OLFM1: variants seen among roughly 807,000 people sequenced by gnomAD.
OLFM1 encodes olfactomedin 1.
In OLFM1, 9 loss-of-function variants were observed where a neutral mutation model predicts 49.7. The ratio of observed to expected loss-of-function variants is 0.18; its 90% CI spans 0.11 to 0.32. OLFM1 has a LOEUF of 0.32. OLFM1 is among the 10% of genes least tolerant of loss of function. The pLI is 1.00. For missense variants in OLFM1, 369 were observed against 661.8 expected (o/e 0.56, Z 4.85); for synonymous variants, 240 against 271.8 (o/e 0.88, Z 1.15).
At position 135,098,169 on chromosome 9, in the gene OLFM1, C is replaced by T; in HGVS notation, c.457-117C>T. The stretch of plus-strand genomic sequence containing the variant: ...ACTCATTTGGACCAGAACAAATAAG[C>T]CTGTAAATAAAGCGGGAATATACAC... On this transcript the variant is annotated intron_variant, in intron 3 of 5. Coordinates refer to ENST00000371793, the MANE Select transcript of OLFM1 (RefSeq NM_001282611.2). This position sits in a 1 kb window ranked among gnomAD's most constrained non-coding sequence, Gnocchi z 5.6. 1 of 1,456,146 alleles carries T rather than the reference C, an allele frequency of 6.9e-7. No homozygotes were observed. The highest frequency in any genetic ancestry group is 1.4e-5 in the South Asian group (1 of 69,776). The allele number at this position is 1,456,146 out of a possible 1,614,324, so 90.2% of individuals were successfully genotyped here.
chr9:135,104,860 C>T (rs1830919096), intron 4 of OLFM1, among the ~76,000 whole-genome samples: 1 of 152,212 alleles, frequency 6.6e-6, no homozygotes, highest in Non-Finnish European at 1.5e-5. Flanking sequence ...TGAGCTCCAC[C>T]TCTCCGCCAG....
upstream of OLFM1, chr9:135,087,277 G>A (rs1373475140): frequency 2.0e-6 from 3 of 1,473,310 alleles, no homozygotes; most frequent in African/African-American, 4.3e-5. Flanking sequence ...CGCGGAAAAG[G>A]GCTCCAGTAG....
chr9:135,076,809 C>T, intron 1 of OLFM1: 1 of 1,537,270 alleles, frequency 6.5e-7, no homozygotes, highest in Non-Finnish European at 8.8e-7. Context: ...CCATCTCCCT[C>T]AGAATAAAAG....
chr9:135,118,167 C>G (rs1318359331), intron 5 of OLFM1, among the ~76,000 whole-genome samples: 1 of 152,240 alleles, frequency 6.6e-6, no homozygotes, highest in East Asian at 1.9e-4. Context: ...AACAGCTTTC[C>G]ACACAAGCCT....
upstream of OLFM1, chr9:135,087,463 G>A (rs1156287453): frequency 2.3e-5 from 35 of 1,532,844 alleles, no homozygotes; most frequent in Non-Finnish European, 2.8e-5. Flanking sequence ...ATCTGGGGGT[G>A]GTGGTGTGTC....
At chr9:135,077,460 G>A (rs928110421) in intron 1 of OLFM1, 3 of 484,148 alleles carry the variant, frequency 6.2e-6, no homozygotes, top group Non-Finnish European at 1.0e-5. Flanking sequence ...ACTTCAATTA[G>A]AAGCCTTGTC....
chr9:135,091,560 G>GTC (rs1312066432), intron 2 of OLFM1, among the ~76,000 whole-genome samples: 4 of 105,004 alleles, frequency 3.8e-5, no homozygotes, highest in East Asian at 7.3e-4. Flanking sequence ...CACACTCATA[G>GTC]TCACACACAC....
intron 1 of OLFM1, among the ~76,000 whole-genome samples, chr9:135,077,957 C>T (rs1220388981): frequency 2.6e-5 from 4 of 152,232 alleles, no homozygotes; most frequent in African/African-American, 7.2e-5. Flanking sequence ...CCCTAGTCCC[C>T]ACCTGGGTGG....
At chr9:135,095,166 C>T (rs1326472839) in intron 2 of OLFM1, 1 of 152,204 alleles carries the variant, frequency 6.6e-6, no homozygotes, top group Non-Finnish European at 1.5e-5. Flanking sequence ...AGATGTAAAA[C>T]AGCGATTCTT....
At chr9:135,091,630 C>T (rs1252886016) in intron 2 of OLFM1, among the ~76,000 whole-genome samples, 1 of 149,558 alleles carries the variant, frequency 6.7e-6, no homozygotes, top group African/African-American at 2.5e-5. Flanking sequence ...CACACACTCA[C>T]ATAGTCACAC....
At chr9:135,107,580 C>T (rs945216114) in intron 5 of OLFM1, among the ~76,000 whole-genome samples, 2 of 152,104 alleles carry the variant, frequency 1.3e-5, no homozygotes, top group African/African-American at 4.8e-5. Context: ...TAGACTCCCT[C>T]CAAAGTGAGC....
chr9:135,112,648 G>A (rs935978903), intron 5 of OLFM1, among the ~76,000 whole-genome samples: 47 of 152,330 alleles, frequency 3.1e-4, no homozygotes, highest in Admixed American at 1.6e-3. Flanking sequence ...CACCCAGTCC[G>A]CACAGGGCCA....
At chr9:135,087,288 G>A (rs1830610165), upstream of OLFM1, 1 of 1,497,490 alleles carries the variant, frequency 6.7e-7, no homozygotes. Flanking sequence ...GCTCCAGTAG[G>A]CAGGACGGCG....
In OLFM1 at chr9:135,110,243, G is replaced by A. The variant is rs141244415; in HGVS notation, c.783+3388G>A. Among the ~76,000 whole-genome samples, 1,130 of 152,216 alleles carry A rather than the reference G, an allele frequency of 7.4e-3. 16 individuals are homozygous for A. Among genetic ancestry groups the A allele is most frequent in the Middle Eastern group, 0.031 (9 of 294 alleles). On this transcript the variant is annotated intron_variant, in intron 5 of 5. Transcript: ENST00000371793. ...AGTTCTGGGACCCCTTCCCCAGCTC[G>A]GAGGCTTCTGGCCTGCTCTGACCAT...
chr9:135,082,180 GT>G (rs1169778917), intron 1 of OLFM1, among the ~76,000 whole-genome samples: 1 of 152,210 alleles, frequency 6.6e-6, no homozygotes, highest in Admixed American at 6.5e-5. Context: ...TGATTGGAGA[GT>G]GTGTAGCCAT....
At chr9:135,083,611 C>T (rs962387168), upstream of OLFM1, among the ~76,000 whole-genome samples, 35 of 152,170 alleles carry the variant, frequency 2.3e-4, no homozygotes, top group African/African-American at 7.5e-4. Context: ...GACGATACCT[C>T]GGAGGAAGTT....
rs554944494 is a variant in OLFM1, at chr9:135,090,251, C to T, written c.207C>T (p.Ser69=). Reference sequence around the variant, plus strand: ...AGGTGTACAGCTCTGCCCAGGACAGCGAGGGCAGGTGTATCTGCACAGTGG... The same window carrying T: ...AGGTGTACAGCTCTGCCCAGGACAGTGAGGGCAGGTGTATCTGCACAGTGG... The part of the protein sequence containing the change: ...SWQVYSSAQD[S]EGRCICTVVA... Residue 69 remains serine (S), a synonymous_variant, in exon 2 of 6, where the codon AGC becomes AGT. Transcript: ENST00000371793. 9.9e-6 allele frequency: 16 copies of T among 1,614,032 alleles called. No homozygotes were observed. In the Admixed American group the frequency reaches 1.3e-4, roughly 13 times the overall value.
chr9:135,083,594 G>A (rs1204504096), upstream of OLFM1, among the ~76,000 whole-genome samples: 1 of 152,192 alleles, frequency 6.6e-6, no homozygotes, highest in Non-Finnish European at 1.5e-5. Context: ...TGAGGGAAAG[G>A]GGGAAGGACG....
At chr9:135,090,486 C>T in intron 2 of OLFM1, 142 bp downstream of exon 2, 1 of 850,912 alleles carries the variant, frequency 1.2e-6, no homozygotes, top group Non-Finnish European at 1.8e-6. Flanking sequence ...GGTTTGTCTC[C>T]ACTCAAAATA....
Sources: gnomAD v4.1 joint callset for allele counts (sites outside exome capture counted in the v4.1 genomes callset) on GRCh38, gnomAD v4.1.1 for gene constraint, Gnocchi (gnomAD v3.1) non-coding constraint, MANE v1.5 for transcripts, NCBI Gene and HGNC (gene_info 2026-07-23, HGNC 2026-07-21) for gene names.